Variants in RNLS observed in about 807,000 individuals in gnomAD.
RNLS encodes the protein renalase.
RNLS carries 39 observed loss-of-function variants against 39.8 expected under a neutral mutation model. That is an observed-to-expected ratio of 0.98 (90% CI 0.76 to 1.28). The LOEUF is 1.28. RNLS is among the 50% of genes most tolerant of loss of function. The probability of loss-of-function intolerance (pLI) is 0.00; values close to 1 mark genes in which losing one functional copy is unlikely to be tolerated. For synonymous variants in RNLS, 147 were observed against 150.7 expected (o/e 0.98, Z 0.18); for missense variants, 410 against 413.3 (o/e 0.99, Z 0.07).
chr10:88,176,211 T>C, the RNLS span, among the ~76,000 whole-genome samples: 2 of 152,008 alleles, frequency 1.3e-5, no homozygotes, highest in East Asian at 3.9e-4. Context: ...AGTCTTGCTC[T>C]GTCGCCAGGT....
intron 4 of RNLS, among the ~76,000 whole-genome samples, chr10:88,455,264 GA>G (rs11432575): frequency 1.3e-5 from 2 of 150,904 alleles, no homozygotes; most frequent in Admixed American, 6.6e-5. Context: ...AAAGTAAAGG[GA>G]AAAAAAAATC....
chr10:88,181,162 A>T, the RNLS span, among the ~76,000 whole-genome samples: 3 of 152,204 alleles, frequency 2.0e-5, no homozygotes, highest in Non-Finnish European at 4.4e-5. Context: ...ATAATGAAAG[A>T]TGGAGGCAGA....
At chr10:88,278,935 T>C (rs1178659827) in intron 6 of RNLS, among the ~76,000 whole-genome samples, 1 of 152,256 alleles carries the variant, frequency 6.6e-6, no homozygotes, top group Non-Finnish European at 1.5e-5. Context: ...ATTCATTCAT[T>C]CTTTGGATCA....
chr10:88,571,138 A>G (rs895530942), intron 4 of RNLS, among the ~76,000 whole-genome samples: 1 of 151,670 alleles, frequency 6.6e-6, no homozygotes, highest in Non-Finnish European at 1.5e-5. Context: ...ACATACCACT[A>G]TGCTTTGCTA....
chr10:88,286,455 G>A (rs551987572), intron 6 of RNLS, among the ~76,000 whole-genome samples: 1 of 152,086 alleles, frequency 6.6e-6, no homozygotes, highest in Non-Finnish European at 1.5e-5. Flanking sequence ...GAGAATGAGT[G>A]GGAGGTGAAT....
At chr10:88,370,904 G>T (rs1472764271) in intron 4 of RNLS, among the ~76,000 whole-genome samples, 5 of 152,160 alleles carry the variant, frequency 3.3e-5, no homozygotes, top group African/African-American at 1.2e-4. Context: ...TATAGGTATA[G>T]AAGTCATTAG....
chr10:88,383,989 G>GTA (rs1308555550), intron 4 of RNLS, among the ~76,000 whole-genome samples: 1 of 152,028 alleles, frequency 6.6e-6, no homozygotes, highest in African/African-American at 2.4e-5. Flanking sequence ...TTTCTCATCA[G>GTA]TAGACCTATA....
intron 4 of RNLS, among the ~76,000 whole-genome samples, chr10:88,385,490 T>A (rs1477883688): frequency 3.3e-5 from 5 of 152,196 alleles, no homozygotes; most frequent in Admixed American, 3.3e-4. Flanking sequence ...AGCCCAGACA[T>A]GACAGACTCC....
rs1847855848 is a variant in RNLS at position 88,538,000 on chromosome 10, C to T, written c.526+34903G>A. Among the ~76,000 whole-genome samples, 5 of 152,260 alleles carry T rather than the reference C, an allele frequency of 3.3e-5. No homozygotes were observed. In the South Asian group the frequency reaches 1.0e-3, roughly 32 times the overall value. ...AAAAAAGAATAATGCCTCTTACAAA[C>T]TTTTTGTACTTGTGAAATCACTTGA... On this transcript the variant is annotated intron_variant, in intron 4 of 6. Coordinates refer to ENST00000331772, the MANE Select transcript of RNLS (RefSeq NM_001031709.3).
At chr10:88,525,724 G>A (rs988793998) in intron 4 of RNLS, among the ~76,000 whole-genome samples, 1 of 152,156 alleles carries the variant, frequency 6.6e-6, no homozygotes. Flanking sequence ...TTCAGGTCAA[G>A]TAGGTGGTAA....
the RNLS span, among the ~76,000 whole-genome samples, chr10:88,254,210 T>C: frequency 6.6e-6 from 1 of 152,216 alleles, no homozygotes. Context: ...CCTCCCTCTC[T>C]TCCTGCCTCC....
chr10:88,496,437 T>C (rs979014436), intron 4 of RNLS, among the ~76,000 whole-genome samples: 6 of 152,196 alleles, frequency 3.9e-5, no homozygotes, highest in Non-Finnish European at 1.5e-5. Context: ...GACGCTTTAC[T>C]TCTTCAGACA....
At chr10:88,389,782 A>G in intron 4 of RNLS, among the ~76,000 whole-genome samples, 1 of 152,244 alleles carries the variant, frequency 6.6e-6, no homozygotes, top group East Asian at 1.9e-4. Context: ...GGGGGACTAC[A>G]AGATATACCT....
At chr10:88,358,476 G>T (rs1849376277) in intron 5 of RNLS, among the ~76,000 whole-genome samples, 1 of 152,152 alleles carries the variant, frequency 6.6e-6, no homozygotes. Context: ...GAAGTAAAAA[G>T]GTGTCTTTTC....
At chr10:88,319,113 T>C (rs1845984218) in intron 5 of RNLS, among the ~76,000 whole-genome samples, 1 of 152,038 alleles carries the variant, frequency 6.6e-6, no homozygotes, top group East Asian at 1.9e-4. Flanking sequence ...GTCAAATATA[T>C]TGCTACAACA....
intron 6 of RNLS, among the ~76,000 whole-genome samples, chr10:88,289,956 G>A (rs892045732): frequency 2.6e-5 from 4 of 151,918 alleles, no homozygotes; most frequent in Non-Finnish European, 2.9e-5. Flanking sequence ...TGATTCCGTC[G>A]GTCAAAAATG....
chr10:88,557,944 T>C (rs1337167016), intron 4 of RNLS, among the ~76,000 whole-genome samples: 1 of 152,146 alleles, frequency 6.6e-6, no homozygotes, highest in East Asian at 1.9e-4. Context: ...TTTTCTGTTA[T>C]CGAAGAACTC....
rs1554854326 is a variant in RNLS at position 88,310,824 on chromosome 10, AAAAG to A, written c.876+3638_876+3641del. On this transcript the variant is annotated intron_variant, in intron 6 of 6. Coordinates refer to ENST00000331772, the MANE Select transcript of RNLS (RefSeq NM_001031709.3). ...GCCAAAAAAAAAAAAAAAAAAAAAA[AAAAG>A]AAAGAAAAGGAAGAGAAAAGGTACA... is the stretch of plus-strand genomic sequence containing the variant. 2.9e-4 allele frequency among the ~76,000 whole-genome samples: 33 copies of A among 113,402 alleles called. 1 individual carries two copies. The highest frequency in any genetic ancestry group is 3.2e-4 in the Non-Finnish European group (17 of 52,462). The allele number at this position is 113,402 out of a possible 152,430, so 74.4% of individuals were successfully genotyped here. A position where few individuals can be genotyped will look rare whatever the true frequency, so the allele number is the denominator to read the frequency against.
intron 5 of RNLS, among the ~76,000 whole-genome samples, chr10:88,330,285 T>C (rs1684226041): frequency 6.6e-6 from 1 of 151,950 alleles, no homozygotes; most frequent in Non-Finnish European, 1.5e-5. Flanking sequence ...GGAAACGTGC[T>C]TTGGTTTCTG....
Sources: gnomAD v4.1 joint callset for allele counts (sites outside exome capture counted in the v4.1 genomes callset) on GRCh38, gnomAD v4.1.1 for gene constraint, MANE v1.5 for transcripts, NCBI Gene and HGNC (gene_info 2026-07-23, HGNC 2026-07-21) for gene names.